Variants in RHOC observed in about 807,000 individuals in gnomAD.
RHOC encodes ras homolog family member C.
Under a neutral mutation model 19.5 loss-of-function variants are expected in RHOC, and 13 were observed. That is an observed-to-expected ratio of 0.67 (90% CI 0.43 to 1.06). RHOC has a LOEUF of 1.06. Ranked by LOEUF, RHOC falls within the 50% of genes least tolerant of loss-of-function variation. The pLI, the probability that RHOC is intolerant of heterozygous loss-of-function variation, is 0.00. For missense variants in RHOC, 173 were observed against 256.9 expected, an observed-to-expected ratio of 0.67 and a Z score of 2.23; for synonymous variants, 106 against 97.3, an observed-to-expected ratio of 1.09 and a Z score of -0.52.
chr1:112,702,454 G>GT, intron 5 of RHOC, 109 bp downstream of exon 5: 1 of 1,218,356 alleles, frequency 8.2e-7, no homozygotes. Flanking sequence ...AGATATTACT[G>GT]TTTCCCCTAA....
At position 112,701,337 on chromosome 1, in the gene RHOC, G is replaced by GC. The variant is rs1385184798; in HGVS notation, c.*202dup. 1 of 1,435,090 alleles carries GC rather than the reference G, an allele frequency of 7.0e-7. No individual in the cohort carries two copies. Among genetic ancestry groups the GC allele is most frequent in the Non-Finnish European group, 9.3e-7 (1 of 1,071,030 alleles). The allele number at this position is 1,435,090 out of a possible 1,614,324, so 88.9% of individuals were successfully genotyped here. On this transcript the variant is annotated 3_prime_UTR_variant, in exon 6 of 6. Transcript: ENST00000339083. ...AGATCCCCAGGGGCCCTGAGGAAGG[G>GC]CAGGGCATAGGCGTGGCTCCCAGAG...
At chr1:112,707,159 C>T (rs1223445225), upstream of RHOC, 2 of 150,820 alleles carry the variant, frequency 1.3e-5, no homozygotes, top group African/African-American at 4.8e-5. Context: ...CCTCCTCCAG[C>T]GCCGCGGCGG....
intron 1 of RHOC, among the ~76,000 whole-genome samples, chr1:112,706,491 CACACACACACACACA>C (rs1674885685): frequency 7.4e-5 from 2 of 27,132 alleles, no homozygotes; most frequent in Admixed American, 4.9e-4. Context: ...CACACACACA[CACACACACACACACA>C]CACACACACA....
Position 112,703,637 on chromosome 1 carries a change from C to T in RHOC, c.156+7G>A, listed in dbSNP as rs1166648785. On this transcript the variant is annotated splice_region_variant and intron_variant, in intron 3 of 5. Transcript: ENST00000339083. ...GGGTGGGGTGGGAAGGGCATTTCTG[C>T]CTTCACCTGCTTGCCGTCCACCTCA... 4 of 1,610,366 alleles carry T rather than the reference C, an allele frequency of 2.5e-6. No individual in the cohort carries two copies. Among genetic ancestry groups the T allele is most frequent in the African/African-American group, 1.3e-5 (1 of 74,870 alleles).
At chr1:112,706,556 A>G (rs1188271848) in intron 1 of RHOC, among the ~76,000 whole-genome samples, 1 of 139,260 alleles carries the variant, frequency 7.2e-6, no homozygotes, top group Non-Finnish European at 1.5e-5. Context: ...ATCCTTCCCC[A>G]TCTCCCTTAT....
At chr1:112,705,458 C>T (rs112470926) in intron 1 of RHOC, 16 of 582,138 alleles carry the variant, frequency 2.7e-5, no homozygotes, top group Non-Finnish European at 4.8e-5. Context: ...GTGGCCCTTC[C>T]CTTGCCTCCA....
rs1674742697 is a variant in RHOC at position 112,703,680 on chromosome 1, C to T, written c.120G>A (p.Glu40=). The change falls in exon 3 of 6, where the codon GAG becomes GAA. Residue 40 remains glutamate (E), a synonymous_variant. Coordinates refer to ENST00000339083, the MANE Select transcript of RHOC (RefSeq NM_175744.5). The part of the protein sequence containing the change: ...FPEVYVPTVF[E]NYIADIEVDG... ...CCACCTCAATGTCCGCAATATAGTT[C>T]TCAAAGACAGTAGGGACGTAGACCT... is the stretch of plus-strand genomic sequence containing the variant. 6.2e-7 allele frequency: 1 copy of T among 1,613,596 alleles called. No individual in the cohort carries two copies. Among genetic ancestry groups the T allele is most frequent in the Non-Finnish European group, 8.5e-7 (1 of 1,179,908 alleles).
At chr1:112,703,951 T>C in intron 2 of RHOC, 145 bp from the exon 3 acceptor site, 1 of 697,828 alleles carries the variant, frequency 1.4e-6, no homozygotes, top group Non-Finnish European at 2.4e-6. Context: ...AAAACACCAA[T>C]TGTGCGACAA....
rs189082614 is a variant in RHOC, at chr1:112,703,731, G to A, written c.69C>T (p.Ile23=). The change falls in exon 3 of 6, where the codon ATC becomes ATT. Residue 23 remains isoleucine (I), a synonymous_variant. Transcript: ENST00000339083. ...DGACGKTCLL[I]VFSKDQFPEV... ...CCGGAAACTGATCCTTGCTGAAGAC[G>A]ATGAGGAGGCAGGTCTTCCCACAGG... The A allele has an allele frequency of 7.5e-5, 121 of 1,613,014 alleles. No individual in the cohort carries two copies. Among genetic ancestry groups the A allele is most frequent in the South Asian group, 2.2e-5 (2 of 90,612 alleles).
chr1:112,702,599 G>A lies in RHOC; in HGVS notation c.372C>T (p.Asp124=), dbSNP rs138595121. 122 of 1,614,124 alleles carry A rather than the reference G, an allele frequency of 7.6e-5. No individual in the cohort carries two copies. In the African/African-American group the frequency reaches 9.1e-4, roughly 12 times the overall value. The part of the protein sequence containing the change: ...LVGNKKDLRQ[D]EHTRRELAKM... Reference sequence around the variant, plus strand: ...TGGCCAGCTCTCTCCTGGTGTGCTCGTCTTGCCTCAGGTCCTTCTTATTCC... The same window carrying A: ...TGGCCAGCTCTCTCCTGGTGTGCTCATCTTGCCTCAGGTCCTTCTTATTCC... Residue 124 remains aspartate (D), a synonymous_variant, in exon 5 of 6, where the codon GAC becomes GAT. Transcript: ENST00000339083.
intron 2 of RHOC, chr1:112,704,645 G>A (rs564207852): frequency 5.3e-6 from 1 of 187,432 alleles, no homozygotes; most frequent in South Asian, 1.1e-4. Context: ...CAGAGGACAG[G>A]GGTAGCAGCC....
intron 4 of RHOC, 119 bp downstream of exon 4, chr1:112,702,880 G>T: frequency 2.1e-6 from 3 of 1,414,208 alleles, no homozygotes; most frequent in Middle Eastern, 2.3e-4. Flanking sequence ...GACCAACAGG[G>T]CCTGAGTGCT....
At chr1:112,703,902 T>A in intron 2 of RHOC, 96 bp from the exon 3 acceptor site, 2 of 1,149,778 alleles carry the variant, frequency 1.7e-6, no homozygotes, top group Non-Finnish European at 2.5e-6. Context: ...CCGAGGCATC[T>A]AGCAAAGGGA....
At chr1:112,701,804 G>A in intron 5 of RHOC, 91 bp from the exon 6 acceptor site, 1 of 1,418,400 alleles carries the variant, frequency 7.1e-7, no homozygotes, top group Non-Finnish European at 9.8e-7. Context: ...TGGAACAAAT[G>A]CCTCCTTCTC....
chr1:112,701,635 T>A lies in RHOC; in HGVS notation c.487A>T (p.Thr163Ser). 1 of 1,614,050 alleles carries A rather than the reference T, an allele frequency of 6.2e-7. No individual in the cohort carries two copies. The highest frequency in any genetic ancestry group is 1.3e-5 in the African/African-American group (1 of 74,992). The change falls in exon 6 of 6, where the codon ACC becomes TCC. Residue 163 changes from threonine to serine, a missense_variant. Transcript: ENST00000339083. ...AFGYLECSAK[T>S]KEGVREVFEM... Reference sequence around the variant, plus strand: ...AACACCTCCCGCACTCCCTCCTTGGTCTTGGCTGAGCACTCAAGGTAGCCA... The same window carrying A: ...AACACCTCCCGCACTCCCTCCTTGGACTTGGCTGAGCACTCAAGGTAGCCA...
intron 1 of RHOC, among the ~76,000 whole-genome samples, chr1:112,706,439 A>T (rs1369374107): frequency 5.6e-4 from 17 of 30,096 alleles, no homozygotes; most frequent in African/African-American, 1.8e-3. Context: ...CTACACACAC[A>T]CACACACACA....
chr1:112,706,430 T>TCTAC (rs1491269480), intron 1 of RHOC, among the ~76,000 whole-genome samples: 4 of 49,692 alleles, frequency 8.0e-5, no homozygotes, highest in African/African-American at 3.5e-4. Flanking sequence ...TCTCTCTCTC[T>TCTAC]ACACACACAC....
chr1:112,706,497 CACACACA>C (rs1674889337), intron 1 of RHOC, among the ~76,000 whole-genome samples: 4 of 45,448 alleles, frequency 8.8e-5, no homozygotes, highest in East Asian at 4.3e-4. Context: ...CACACACACA[CACACACA>C]CACACACACA....
Position 112,701,591 on chromosome 1 carries a change from A to C in RHOC, c.531T>G (p.Ala177=). The C allele has an allele frequency of 6.2e-7, 1 of 1,614,112 alleles. No individual in the cohort carries two copies. The highest frequency in any genetic ancestry group is 8.5e-7 in the Non-Finnish European group (1 of 1,180,002). The change falls in exon 6 of 6, where the codon GCT becomes GCG. Residue 177 remains alanine, a synonymous_variant. Transcript: ENST00000339083. Reference sequence around the variant, plus strand: ...GCTTGTTCTTGCGGACCTGGAGGCCAGCCCGAGTGGCCATCTCAAACACCT... The same window carrying C: ...GCTTGTTCTTGCGGACCTGGAGGCCCGCCCGAGTGGCCATCTCAAACACCT... ...VREVFEMATR[A]GLQVRKNKRR...
Sources: gnomAD v4.1 joint callset for allele counts (sites outside exome capture counted in the v4.1 genomes callset) on GRCh38, gnomAD v4.1.1 for gene constraint, MANE v1.5 for transcripts, NCBI Gene and HGNC (gene_info 2026-07-23, HGNC 2026-07-21) for gene names.